Variants in KLC2 observed in about 807,000 individuals in gnomAD.
The protein encoded by KLC2 is KLC 2.
A neutral mutation model predicts 75.1 loss-of-function variants in KLC2; 35 were observed. The observed-to-expected ratio is 0.47, with a 90% CI of 0.36 to 0.62. KLC2 has a LOEUF of 0.62. Among genes scored for constraint, KLC2 ranks in the 20% least tolerant of loss-of-function variants. The probability of loss-of-function intolerance (pLI) is 0.00; values close to 1 mark genes in which losing one functional copy is unlikely to be tolerated. For synonymous variants in KLC2, 314 were observed against 336.7 expected (o/e 0.93, Z 0.74); for missense variants, 611 against 833.2 (o/e 0.73, Z 3.28).
At chr11:66,253,212 G>A (rs968823555), upstream of KLC2, among the ~76,000 whole-genome samples, 1 of 151,654 alleles carries the variant, frequency 6.6e-6, no homozygotes, top group Non-Finnish European at 1.5e-5. Context: ...CAAGTGATCC[G>A]CCCATCTCGG....
At chr11:66,249,994 G>GTC in the KLC2 span, among the ~76,000 whole-genome samples, 1 of 152,236 alleles carries the variant, frequency 6.6e-6, no homozygotes, top group South Asian at 2.1e-4. Context: ...CAGGCCCGTG[G>GTC]TCTGGCTCAC....
intron 1 of KLC2, 99 bp from the exon 2 acceptor site, chr11:66,258,485 G>A (rs1856165852): frequency 3.9e-6 from 3 of 772,280 alleles, no homozygotes; most frequent in South Asian, 3.3e-5. Flanking sequence ...GCACACGGGA[G>A]ACTCAGGCGT....
Position 66,267,313 on chromosome 11 carries a change from C to A in KLC2, c.*357C>A, listed in dbSNP as rs745999545. The A allele has an allele frequency of 3.9e-5, 33 of 847,424 alleles. No homozygotes were observed. Among genetic ancestry groups the A allele is most frequent in the Non-Finnish European group, 6.5e-5 (33 of 504,406 alleles). The allele number at this position is 847,424 out of a possible 1,614,324, so 52.5% of individuals were successfully genotyped here. On this transcript the variant is annotated 3_prime_UTR_variant, in exon 16 of 16. Coordinates refer to ENST00000394067, the MANE Select transcript of KLC2 (RefSeq NM_001318734.2). ...CCTTCGGCACCCTCGCCCTCCCTCC[C>A]GACTCAACCCGGCCGTTGCTTCTGT...
chr11:66,245,007 A>T, the KLC2 span: 1 of 152,254 alleles, frequency 6.6e-6, no homozygotes, highest in Non-Finnish European at 1.5e-5. Flanking sequence ...CTCCCAAGGC[A>T]GTGACGTGTT....
intron 2 of KLC2, 46 bp from the exon 3 acceptor site, chr11:66,261,696 G>A (rs1856434915): frequency 1.5e-6 from 2 of 1,327,616 alleles, no homozygotes; most frequent in Non-Finnish European, 2.1e-6. Flanking sequence ...AGTCATAGGC[G>A]AGGGGGTCGA....
chr11:66,263,868 C>CA lies in KLC2; in HGVS notation c.860dup (p.Asn287LysfsTer16). On this transcript the variant is annotated frameshift_variant, in exon 7 of 16. Coordinates refer to ENST00000394067, the MANE Select transcript of KLC2 (RefSeq NM_001318734.2). LOFTEE classifies it high-confidence loss of function. ...ACCTCCAGGTGGCTGCGACACTAAA[C>CA]AACCTGGCAGTCCTGTATGGCAAGA... is the stretch of plus-strand genomic sequence containing the variant. 1 of 1,614,196 alleles carries CA rather than the reference C, an allele frequency of 6.2e-7. No individual in the cohort carries two copies. The highest frequency in any genetic ancestry group is 8.5e-7 in the Non-Finnish European group (1 of 1,180,004).
rs757556249 is a variant in KLC2, at chr11:66,267,259, A to G, written c.*303A>G. 2.2e-6 allele frequency: 3 copies of G among 1,361,390 alleles called. No individual in the cohort carries two copies. The highest frequency in any genetic ancestry group is 1.2e-5 in the South Asian group (1 of 80,338). The allele number at this position is 1,361,390 out of a possible 1,614,324, so 84.3% of individuals were successfully genotyped here. A position where few individuals can be genotyped will look rare whatever the true frequency, so the allele number is the denominator to read the frequency against. On this transcript the variant is annotated 3_prime_UTR_variant, in exon 16 of 16. Transcript: ENST00000394067. ...CAGTGGCCTGGCCTCCCCAGACCCC[A>G]GAGCCAAGAACACTAAGCACTCGCC... is the stretch of plus-strand genomic sequence containing the variant.
chr11:66,260,135 T>C (rs550783197), intron 2 of KLC2, among the ~76,000 whole-genome samples: 106 of 152,074 alleles, frequency 7.0e-4, no homozygotes, highest in Non-Finnish European at 1.4e-3. Context: ...GATCATGCCA[T>C]CTGCTGTGTA....
At chr11:66,258,325 C>T in intron 1 of KLC2, 2 of 512,876 alleles carry the variant, frequency 3.9e-6, no homozygotes, top group South Asian at 2.2e-5. Context: ...AACCCGGACA[C>T]TGAGCCGCCT....
chr11:66,249,959 TG>T, the KLC2 span, among the ~76,000 whole-genome samples: 1 of 152,274 alleles, frequency 6.6e-6, no homozygotes, highest in South Asian at 2.1e-4. Context: ...CAGTGCCCTC[TG>T]AATAGAGGCC....
Position 66,261,875 on chromosome 11 carries a change from A to G in KLC2, c.362A>G (p.Gln121Arg), listed in dbSNP as rs1215396703. The G allele has an allele frequency of 6.2e-7, 1 of 1,614,002 alleles. No individual in the cohort carries two copies. Among genetic ancestry groups the G allele is most frequent in the African/African-American group, 1.3e-5 (1 of 74,926 alleles). The part of the protein sequence containing the change: ...EELAGTQQKL[Q>R]RSEQAVAQLE... ...CTGGCGGGGACACAGCAGAAGCTGC[A>G]GCGCAGTGAGCAGGCCGTGGCCCAG... The change falls in exon 3 of 16, where the codon CAG becomes CGG. Residue 121 changes from glutamine (Q) to arginine (R), a missense_variant. Coordinates refer to ENST00000394067, the MANE Select transcript of KLC2 (RefSeq NM_001318734.2).
chr11:66,267,728 C>T lies in KLC2; in HGVS notation c.*772C>T, dbSNP rs1307939436. 8.2e-6 allele frequency: 4 copies of T among 489,440 alleles called. No individual in the cohort carries two copies. Among genetic ancestry groups the T allele is most frequent in the African/African-American group, 4.1e-5 (2 of 49,074 alleles). 30.3% of individuals were successfully genotyped at this position (489,440 alleles called of 1,614,324 possible). On this transcript the variant is annotated 3_prime_UTR_variant, in exon 16 of 16. Coordinates refer to ENST00000394067, the MANE Select transcript of KLC2 (RefSeq NM_001318734.2). Reference sequence around the variant, plus strand: ...ACCGAGCCATCCTGCCTCGCCTCCCCCCACGCCTGCAGCTTCTCGCGAGGG... The same window carrying T: ...ACCGAGCCATCCTGCCTCGCCTCCCTCCACGCCTGCAGCTTCTCGCGAGGG...
At chr11:66,256,371 C>T (rs1856038734), upstream of KLC2, among the ~76,000 whole-genome samples, 1 of 152,118 alleles carries the variant, frequency 6.6e-6, no homozygotes, top group Non-Finnish European at 1.5e-5. Context: ...GAGTGGATCA[C>T]CTGAGGTCAG....
chr11:66,247,018 G>A, the KLC2 span, among the ~76,000 whole-genome samples: 12 of 152,168 alleles, frequency 7.9e-5, no homozygotes, highest in East Asian at 1.5e-3. Flanking sequence ...GAGCTCACTC[G>A]GCCCCATGGT....
Position 66,266,910 on chromosome 11 carries a change from G to A in KLC2, c.1823G>A (p.Ser608Asn), listed in dbSNP as rs1253130952. ...GGTCTCTCTGACAGCCGCACTCTCA[G>A]CTCCAGCTCCATGGACCTCTCCCGA... ...GTGLSDSRTL[S>N]SSSMDLSRRS... The change falls in exon 16 of 16, where the codon AGC (serine) becomes AAC (asparagine). Residue 608 changes from serine (S) to asparagine (N), a missense_variant. Transcript: ENST00000394067. The A allele has an allele frequency of 6.2e-7, 1 of 1,613,510 alleles. No individual in the cohort carries two copies. The highest frequency in any genetic ancestry group is 2.2e-5 in the East Asian group (1 of 44,874).
At chr11:66,264,829 T>A (rs1225503101) in intron 9 of KLC2, 194 bp from the exon 10 acceptor site, 1 of 600,782 alleles carries the variant, frequency 1.7e-6, no homozygotes, top group Non-Finnish European at 3.0e-6. Context: ...TCTTGGGCTG[T>A]GGCCTGAGGT....
chr11:66,254,532 G>A (rs1353439539), upstream of KLC2, among the ~76,000 whole-genome samples: 1 of 151,890 alleles, frequency 6.6e-6, no homozygotes, highest in Non-Finnish European at 1.5e-5. Flanking sequence ...GGCATGGTGA[G>A]CACCTGCCTG....
At chr11:66,258,468 G>T (rs944585258) in intron 1 of KLC2, 116 bp from the exon 2 acceptor site, 2 of 676,796 alleles carry the variant, frequency 3.0e-6, no homozygotes, top group East Asian at 2.7e-5. Flanking sequence ...CCGGCTGGGG[G>T]ACCTGGGCAC....
chr11:66,262,723 T>C (rs1472737665), intron 4 of KLC2, 91 bp from the exon 5 acceptor site: 1 of 876,148 alleles, frequency 1.1e-6, no homozygotes, highest in South Asian at 1.5e-5. Context: ...CCCAGGGCCA[T>C]GTGTCAAGTG....
Sources: allele counts gnomAD v4.1 joint callset (sites outside exome capture counted in the v4.1 genomes callset), GRCh38; gene constraint gnomAD v4.1.1; transcripts MANE v1.5; gene names NCBI Gene and HGNC (gene_info 2026-07-23, HGNC 2026-07-21).